MTSS1: variants seen among roughly 807,000 people sequenced by gnomAD.
MTSS1 encodes the protein protein MTSS 1.
MTSS1 carries 18 observed loss-of-function variants against 79.0 expected under a neutral mutation model. The observed-to-expected ratio is 0.23, with a 90% CI of 0.16 to 0.34. The LOEUF (loss-of-function observed/expected upper bound fraction) is 0.34, where lower values mean the gene tolerates loss of function less well. Ranked by LOEUF, MTSS1 falls within the 10% of genes least tolerant of loss-of-function variation. The probability of loss-of-function intolerance (pLI) is 1.00; values close to 1 mark genes in which losing one functional copy is unlikely to be tolerated. For missense variants in MTSS1, 815 were observed against 986.2 expected (o/e 0.83, Z 2.33); for synonymous variants, 341 against 368.6 (o/e 0.93, Z 0.86).
chr8:124,558,290 G>A (rs1043280150), intron 10 of MTSS1, among the ~76,000 whole-genome samples: 46 of 146,200 alleles, frequency 3.1e-4, no homozygotes, highest in African/African-American at 1.1e-3. Flanking sequence ...CAAAATCATC[G>A]CATTGCTCAG....
intron 10 of MTSS1, among the ~76,000 whole-genome samples, chr8:124,562,083 T>C (rs972100083): frequency 6.6e-6 from 1 of 152,022 alleles, no homozygotes; most frequent in Non-Finnish European, 1.5e-5. Context: ...ACCAACCCAA[T>C]GACACTAAGG....
chr8:124,583,769 C>T (rs995090136), intron 6 of MTSS1, among the ~76,000 whole-genome samples: 3 of 152,160 alleles, frequency 2.0e-5, no homozygotes, highest in African/African-American at 7.2e-5. Flanking sequence ...AGTTCAGCCC[C>T]GAACTGTGAC....
intron 3 of MTSS1, among the ~76,000 whole-genome samples, chr8:124,606,816 T>G (rs1834967651): frequency 6.6e-6 from 1 of 152,168 alleles, no homozygotes; most frequent in Non-Finnish European, 1.5e-5. Context: ...AGGGTGGACA[T>G]GTACTGTCAG....
chr8:124,605,504 G>T (rs1019858252), intron 3 of MTSS1, among the ~76,000 whole-genome samples: 1 of 151,118 alleles, frequency 6.6e-6, no homozygotes, highest in African/African-American at 2.4e-5. Context: ...CCTGACAAAG[G>T]GATGGCTCTA....
chr8:124,717,775 C>T (rs1232134187), intron 1 of MTSS1, among the ~76,000 whole-genome samples: 1 of 152,128 alleles, frequency 6.6e-6, no homozygotes, highest in Non-Finnish European at 1.5e-5. Context: ...TCCTACTATA[C>T]AAGAGAATTG....
At chr8:124,679,382 T>C (rs570356696) in intron 3 of MTSS1, among the ~76,000 whole-genome samples, 2 of 152,340 alleles carry the variant, frequency 1.3e-5, no homozygotes, top group African/African-American at 4.8e-5. Flanking sequence ...ATTCTGGCTA[T>C]ACTTAGACTC....
At position 124,567,068 on chromosome 8, in the gene MTSS1, T is replaced by C. The variant is rs1269370158; in HGVS notation, c.726+3A>G. 2.5e-6 allele frequency: 4 copies of C among 1,605,218 alleles called. No homozygotes were observed. The highest frequency in any genetic ancestry group is 3.4e-6 in the Non-Finnish European group (4 of 1,171,806). ...CTGTAAGTGCTTAACCCCTGAAGCC[T>C]ACCTGTTCACTTGAGGAGGGCAGTT... is the stretch of plus-strand genomic sequence containing the variant. On this transcript the variant is annotated splice_donor_region_variant and intron_variant, in intron 8 of 13. Transcript: ENST00000518547.
intron 3 of MTSS1, among the ~76,000 whole-genome samples, chr8:124,677,426 A>G (rs767166316): frequency 6.6e-6 from 1 of 152,236 alleles, no homozygotes; most frequent in Non-Finnish European, 1.5e-5. Context: ...ACTGTAGCAT[A>G]AAAGTAACCA....
At chr8:124,624,799 G>A (rs544102243) in intron 3 of MTSS1, among the ~76,000 whole-genome samples, 3 of 152,324 alleles carry the variant, frequency 2.0e-5, no homozygotes, top group South Asian at 2.1e-4. Context: ...GTGGATTTGC[G>A]CAGAGCGGGG....
At position 124,582,723 on chromosome 8, in the gene MTSS1, C is replaced by G. The variant is rs767337008; in HGVS notation, c.460+2364G>C. Among the ~76,000 whole-genome samples, 4 of 152,298 alleles carry G rather than the reference C, an allele frequency of 2.6e-5. No individual in the cohort carries two copies. Among genetic ancestry groups the G allele is most frequent in the Non-Finnish European group, 5.9e-5 (4 of 68,026 alleles). On this transcript the variant is annotated intron_variant, in intron 6 of 13. Transcript: ENST00000518547. The surrounding 1 kb of genome is among the most constrained non-coding windows in gnomAD (Gnocchi z 4.8). ...AAACCGAGGGTCCGGGAATCTGCCACTTGAAGGAGATGAAACAGATCCCTC... is the reference window on the plus strand; with the variant it reads ...AAACCGAGGGTCCGGGAATCTGCCAGTTGAAGGAGATGAAACAGATCCCTC...
intron 3 of MTSS1, among the ~76,000 whole-genome samples, chr8:124,629,285 C>T (rs575807731): frequency 3.8e-4 from 58 of 152,006 alleles, no homozygotes; most frequent in Admixed American, 6.5e-4. Flanking sequence ...GAGGCTGAGG[C>T]GGGCGGATCA....
rs1050763540 is a variant in MTSS1, at chr8:124,666,423, T to G, written c.208+33103A>C. ...GGAAAAATTAACTCTGACAGGAAAG[T>G]GCACTGAAGAAAAATACTGATGGAA... On this transcript the variant is annotated intron_variant, in intron 3 of 13. Coordinates refer to ENST00000518547, the MANE Select transcript of MTSS1 (RefSeq NM_014751.6). Among the ~76,000 whole-genome samples, 15 of 152,246 alleles carry G rather than the reference T, an allele frequency of 9.9e-5. 2 individuals carry two copies. Among genetic ancestry groups the G allele is most frequent in the Admixed American group, 8.5e-4 (13 of 15,294 alleles).
chr8:124,620,628 G>A (rs1268735093), intron 3 of MTSS1, among the ~76,000 whole-genome samples: 1 of 152,074 alleles, frequency 6.6e-6, no homozygotes, highest in African/African-American at 2.4e-5. Flanking sequence ...GCACAGGCTG[G>A]AGTCACCTAA....
Position 124,567,181 on chromosome 8 carries a change from G to A in MTSS1, c.619-3C>T. On this transcript the variant is annotated splice_polypyrimidine_tract_variant and splice_region_variant and intron_variant, in intron 7 of 13. Transcript: ENST00000518547. ...CCTAGCATTGAGATTTCTTCTTCCT[G>A]AAGGAAAAGTCATTCATGAAATGTT... 6.3e-7 allele frequency: 1 copy of A among 1,589,422 alleles called. No homozygotes were observed. Among genetic ancestry groups the A allele is most frequent in the Admixed American group, 1.7e-5 (1 of 59,950 alleles).
At chr8:124,625,343 C>T (rs566526820) in intron 3 of MTSS1, among the ~76,000 whole-genome samples, 5 of 152,274 alleles carry the variant, frequency 3.3e-5, no homozygotes, top group East Asian at 1.9e-4. Context: ...AAGCCCTCCA[C>T]GTGAGCAAGG....
chr8:124,609,877 G>A (rs994362208), intron 3 of MTSS1, among the ~76,000 whole-genome samples: 26 of 152,190 alleles, frequency 1.7e-4, no homozygotes, highest in Non-Finnish European at 2.2e-4. Context: ...TTTGGCAGCT[G>A]AGCTGACTCT....
intron 2 of MTSS1, among the ~76,000 whole-genome samples, chr8:124,703,589 C>T (rs1430827341): frequency 6.6e-6 from 1 of 152,202 alleles, no homozygotes; most frequent in Non-Finnish European, 1.5e-5. Flanking sequence ...CCACACCCAG[C>T]CAACAGGAGG....
intron 6 of MTSS1, among the ~76,000 whole-genome samples, chr8:124,581,733 C>T (rs948552380): frequency 2.0e-5 from 3 of 152,164 alleles, no homozygotes; most frequent in Admixed American, 6.5e-5. Flanking sequence ...GGATTACAGG[C>T]GTGAGCCACC....
At chr8:124,589,864 T>A (rs1179922944) in intron 4 of MTSS1, among the ~76,000 whole-genome samples, 153 bp from the exon 5 acceptor site, 1 of 152,148 alleles carries the variant, frequency 6.6e-6, no homozygotes, top group Non-Finnish European at 1.5e-5. Context: ...GTTCCAAGAA[T>A]GCTTTTCTTT....
Sources: gnomAD v4.1 joint callset for allele counts (sites outside exome capture counted in the v4.1 genomes callset) on GRCh38, gnomAD v4.1.1 for gene constraint, Gnocchi (gnomAD v3.1) non-coding constraint, MANE v1.5 for transcripts, NCBI Gene and HGNC (gene_info 2026-07-23, HGNC 2026-07-21) for gene names.